The following DOCK9 variants were observed in gnomAD, a reference collection of about 807,000 sequenced individuals.
DOCK9 encodes dedicator of cytokinesis protein 9.
Under a neutral mutation model 263.3 loss-of-function variants are expected in DOCK9, and 89 were observed. That is an observed-to-expected ratio of 0.34 (90% CI 0.28 to 0.40). The LOEUF (loss-of-function observed/expected upper bound fraction) is 0.40, where lower values mean the gene tolerates loss of function less well. Among genes scored for constraint, DOCK9 ranks in the 10% least tolerant of loss-of-function variants. The pLI, the probability that DOCK9 is intolerant of heterozygous loss-of-function variation, is 1.00. For missense variants in DOCK9, 2,140 were observed against 2,603.4 expected (o/e 0.82, Z 3.87); for synonymous variants, 976 against 973.1 (o/e 1.00, Z -0.06).
chr13:99,086,426 T>G (rs1236379858), exon 1 of DOCK9: 4 of 875,538 alleles, frequency 4.6e-6, no homozygotes, highest in Non-Finnish European at 5.4e-6. Flanking sequence ...AGGTGCGCCC[T>G]CGGCGCCCGG....
intron 1 of DOCK9, chr13:98,959,438 C>G (rs2058399338): frequency 6.6e-6 from 1 of 152,248 alleles, no homozygotes; most frequent in African/African-American, 2.4e-5. Context: ...CTAGTGACCT[C>G]ATAGGGCAGA....
chr13:98,858,983 ATCAGCTCTTAATC>A (rs1283589411), intron 33 of DOCK9: 5 of 152,248 alleles, frequency 3.3e-5, no homozygotes, highest in Non-Finnish European at 5.9e-5. Flanking sequence ...TACACTTTGT[ATCAGCTCTTAATC>A]CCTCTAACGA....
chr13:98,968,360 C>A lies in DOCK9; in HGVS notation c.126+9424G>T, dbSNP rs144341947. Reference sequence around the variant, plus strand: ...ATTTGACCAGGCGTGGTGGCTCATGCATGTAATCCCAGCACTTTGGGAAGC... The same window carrying A: ...ATTTGACCAGGCGTGGTGGCTCATGAATGTAATCCCAGCACTTTGGGAAGC... On this transcript the variant is annotated intron_variant, in intron 1 of 52. Transcript: ENST00000682017. Among the ~76,000 whole-genome samples the A allele has an allele frequency of 3.9e-3, 594 of 152,248 alleles. 4 individuals carry two copies. Among genetic ancestry groups the A allele is most frequent in the Middle Eastern group, 0.024 (7 of 294 alleles).
chr13:99,081,825 T>A (rs1270160790), intron 1 of DOCK9, among the ~76,000 whole-genome samples: 1 of 152,254 alleles, frequency 6.6e-6, no homozygotes, highest in Non-Finnish European at 1.5e-5. Flanking sequence ...TCCTGACTAT[T>A]CTAAATTATG....
chr13:98,907,761 A>C (rs1216316196), intron 9 of DOCK9, among the ~76,000 whole-genome samples: 2 of 152,230 alleles, frequency 1.3e-5, no homozygotes, highest in African/African-American at 4.8e-5. Flanking sequence ...AGGATGCCCA[A>C]CAGTGGCTGA....
At chr13:98,846,546 A>G in intron 37 of DOCK9, 1 of 1,352,122 alleles carries the variant, frequency 7.4e-7, no homozygotes, top group Non-Finnish European at 9.8e-7. Context: ...AGAGCCACAC[A>G]CTTTGTTAAA....
intron 39 of DOCK9, among the ~76,000 whole-genome samples, chr13:98,833,398 G>C (rs778801378): frequency 5.3e-5 from 8 of 152,132 alleles, no homozygotes; most frequent in Non-Finnish European, 1.2e-4. Flanking sequence ...CTTTGCTGAG[G>C]CTATCCAGGA....
chr13:98,859,018 A>G (rs2093779708), intron 33 of DOCK9: 1 of 152,254 alleles, frequency 6.6e-6, no homozygotes, highest in African/African-American at 2.4e-5. Flanking sequence ...CGTTTTGAAG[A>G]CATGGGTATG....
intron 1 of DOCK9, among the ~76,000 whole-genome samples, chr13:99,020,326 A>G (rs894321840): frequency 6.6e-6 from 1 of 152,206 alleles, no homozygotes; most frequent in Non-Finnish European, 1.5e-5. Flanking sequence ...TTTTGGTCCC[A>G]CTTCTCAGCA....
chr13:99,024,187 T>C (rs1324923096), intron 1 of DOCK9, among the ~76,000 whole-genome samples: 6 of 152,216 alleles, frequency 3.9e-5, no homozygotes, highest in African/African-American at 1.2e-4. Context: ...CCGTCTAGCA[T>C]CAGTGAACAC....
intron 1 of DOCK9, among the ~76,000 whole-genome samples, chr13:99,052,681 G>A (rs986876338): frequency 2.0e-5 from 3 of 151,994 alleles, no homozygotes; most frequent in African/African-American, 7.3e-5. Context: ...GTTCACTGCA[G>A]CCTCGAACTC....
At chr13:99,027,904 C>T (rs1235401431) in intron 1 of DOCK9, among the ~76,000 whole-genome samples, 5 of 152,158 alleles carry the variant, frequency 3.3e-5, no homozygotes, top group Non-Finnish European at 7.3e-5. Context: ...GGTGACCCAG[C>T]GGAAGAATGG....
intron 1 of DOCK9, among the ~76,000 whole-genome samples, chr13:98,999,673 A>G (rs1881895426): frequency 6.6e-6 from 1 of 152,236 alleles, no homozygotes; most frequent in South Asian, 2.1e-4. Context: ...TGATGCACAG[A>G]GAGGTTGTTT....
chr13:99,002,041 C>T (rs1199176172), intron 1 of DOCK9, among the ~76,000 whole-genome samples: 5 of 152,190 alleles, frequency 3.3e-5, no homozygotes, highest in Non-Finnish European at 7.4e-5. Flanking sequence ...TCAAGGGCAC[C>T]ACTACCACGG....
intron 1 of DOCK9, among the ~76,000 whole-genome samples, chr13:98,973,597 G>C (rs1301454532): frequency 6.6e-6 from 1 of 152,104 alleles, no homozygotes; most frequent in Non-Finnish European, 1.5e-5. Flanking sequence ...TCTCTGAAAA[G>C]AAACTTTTAT....
At chr13:98,801,672 T>C (rs1437896702) in intron 49 of DOCK9, among the ~76,000 whole-genome samples, 1 of 152,168 alleles carries the variant, frequency 6.6e-6, no homozygotes, top group East Asian at 1.9e-4. Flanking sequence ...AATAGGCAGG[T>C]AGATATGTAC....
At chr13:99,063,306 A>G (rs1428784162) in intron 1 of DOCK9, among the ~76,000 whole-genome samples, 1 of 151,394 alleles carries the variant, frequency 6.6e-6, no homozygotes, top group African/African-American at 2.4e-5. Flanking sequence ...TGACAGCCCT[A>G]CGGCCCTACC....
chr13:99,013,571 G>C (rs958778940), intron 1 of DOCK9, among the ~76,000 whole-genome samples: 1 of 152,190 alleles, frequency 6.6e-6, no homozygotes, highest in African/African-American at 2.4e-5. Flanking sequence ...GGGCATTTTA[G>C]GGTTAAGCAG....
Position 98,810,165 on chromosome 13 carries a change from A to G in DOCK9, c.5253+4T>C. The G allele has an allele frequency of 9.3e-6, 15 of 1,613,922 alleles. No individual in the cohort carries two copies. The highest frequency in any genetic ancestry group is 1.1e-5 in the Non-Finnish European group (13 of 1,179,868). On this transcript the variant is annotated splice_donor_region_variant and intron_variant, in intron 46 of 52. Transcript: ENST00000682017. ...AGGAAAAAAACAAAAAGGCACTCTC[A>G]TACCTCAAAATCCCTCCGCTTCTCA...
Sources: allele counts gnomAD v4.1 joint callset (sites outside exome capture counted in the v4.1 genomes callset), GRCh38; gene constraint gnomAD v4.1.1; transcripts MANE v1.5; gene names NCBI Gene and HGNC (gene_info 2026-07-23, HGNC 2026-07-21).